TMSB15A: variants seen among roughly 807,000 people sequenced by gnomAD.
TMSB15A encodes thymosin beta 15A.
In TMSB15A, 1 loss-of-function variant was observed where a neutral mutation model predicts 3.2. The observed-to-expected ratio is 0.32, with a 90% CI of 0.11 to 1.50. The LOEUF is 1.50. Ranked by LOEUF, TMSB15A falls within the 40% of genes most tolerant of loss-of-function variation. The pLI is 0.39. For missense variants in TMSB15A, 22 were observed against 27.8 expected (o/e 0.79, Z 0.47); for synonymous variants, 10 against 11.2 (o/e 0.90, Z 0.21).
intron 2 of TMSB15A, 77 bp from the exon 3 acceptor site, chrX:102,514,201 C>A (rs782790611): frequency 6.2e-6 from 7 of 1,125,099 alleles, no homozygotes; most frequent in East Asian, 3.0e-5. Flanking sequence ...GAGCTCCTTG[C>A]TAAGTCATCG....
chrX:102,516,449 G>A (rs1010379415), intron 1 of TMSB15A, among the ~76,000 whole-genome samples: 2 of 112,257 alleles, frequency 1.8e-5, no homozygotes, highest in Admixed American at 1.9e-4. Flanking sequence ...TTGTTTCCAG[G>A]GACCGGCCCC....
At chrX:102,516,026 C>T (rs1185893960) in intron 1 of TMSB15A, among the ~76,000 whole-genome samples, 1 of 110,080 alleles carries the variant, frequency 9.1e-6, no homozygotes. Flanking sequence ...CCCAGCCCCA[C>T]CCTCGTGCAG....
chrX:102,515,238 G>T (rs1326832722), intron 1 of TMSB15A, 58 bp from the exon 2 acceptor site: 2 of 1,053,455 alleles, frequency 1.9e-6, no homozygotes, highest in African/African-American at 3.7e-5. Context: ...TTCGGACTAA[G>T]GGGTCACAAG....
In TMSB15A at chrX:102,514,221, T is replaced by C. The variant is rs782492942; in HGVS notation, c.101-97A>G. On this transcript the variant is annotated intron_variant, in intron 2 of 2. Coordinates refer to ENST00000289373, the MANE Select transcript of TMSB15A (RefSeq NM_021992.3). ...CCTTGCTAAGTCATCGAAGTCTGCA[T>C]ACATGCCTTAAATTTAGAATGCCAA... 2.1e-5 allele frequency: 21 copies of C among 988,003 alleles called. No individual in the cohort carries two copies. The African/African-American group carries it at 2.6e-4, about 12-fold the overall frequency. The allele number at this position is 988,003 out of a possible 1,213,427, so 81.4% of individuals were successfully genotyped here.
In TMSB15A at chrX:102,514,091, G is replaced by A; in HGVS notation, c.134C>T (p.Ser45Leu). The A allele has an allele frequency of 8.3e-7, 1 of 1,211,095 alleles. No individual in the cohort carries two copies. The highest frequency in any genetic ancestry group is 1.7e-5 in the African/African-American group (1 of 57,669). ...TGTTGGGAGGCGATCCCCATTTTAT[G>A]ATGTTTGAACACACTCTTTCTCTTG... ...IQQEKECVQT[S>L] The change falls in exon 3 of 3, where the codon TCA (serine) becomes TTA (leucine). Residue 45 changes from serine (S) to leucine (L), a missense_variant. Coordinates refer to ENST00000289373, the MANE Select transcript of TMSB15A (RefSeq NM_021992.3).
chrX:102,515,531 C>T (rs1934885947), intron 1 of TMSB15A, among the ~76,000 whole-genome samples: 1 of 111,237 alleles, frequency 9.0e-6, no homozygotes, highest in Admixed American at 9.5e-5. Context: ...AAAATAAAGA[C>T]TGGCTTTAAC....
intron 1 of TMSB15A, among the ~76,000 whole-genome samples, 192 bp downstream of exon 1, chrX:102,516,474 A>T (rs964758443): frequency 2.7e-5 from 3 of 112,389 alleles, no homozygotes; most frequent in South Asian, 3.7e-4. Flanking sequence ...AGGGCTCGGC[A>T]TCGAGCGCAG....
intron 1 of TMSB15A, 75 bp from the exon 2 acceptor site, chrX:102,515,255 T>C: frequency 1.1e-6 from 1 of 925,356 alleles, no homozygotes; most frequent in Non-Finnish European, 1.5e-6. Flanking sequence ...CAAGCAAAAA[T>C]TTTCATATTT....
intron 1 of TMSB15A, among the ~76,000 whole-genome samples, chrX:102,516,032 T>G (rs1934892098): frequency 9.1e-6 from 1 of 109,939 alleles, no homozygotes; most frequent in South Asian, 4.0e-4. Flanking sequence ...CCCACCCTCG[T>G]GCAGTAAGAT....
chrX:102,514,929 A>T, intron 2 of TMSB15A, 135 bp downstream of exon 2: 1 of 615,799 alleles, frequency 1.6e-6, no homozygotes, highest in Non-Finnish European at 2.5e-6. Context: ...TGATGTTTTT[A>T]ACTGTTACAT....
At chrX:102,514,684 T>C (rs1008049772) in intron 2 of TMSB15A, among the ~76,000 whole-genome samples, 14 of 111,655 alleles carry the variant, frequency 1.3e-4, no homozygotes, top group Admixed American at 1.2e-3. Context: ...AACTGCAAAG[T>C]TTGCATGGAT....
intron 1 of TMSB15A, among the ~76,000 whole-genome samples, 167 bp downstream of exon 1, chrX:102,516,499 G>T: frequency 8.8e-6 from 1 of 113,005 alleles, no homozygotes; most frequent in South Asian, 3.6e-4. Flanking sequence ...CGGCCCCCTG[G>T]AAGACAAAGG....
intron 1 of TMSB15A, 48 bp from the exon 2 acceptor site, chrX:102,515,228 T>C: frequency 8.7e-7 from 1 of 1,144,697 alleles, no homozygotes; most frequent in East Asian, 3.0e-5. Flanking sequence ...CAGAACTGTC[T>C]TCGGACTAAG....
At chrX:102,514,377 AT>A (rs1274290200) in intron 2 of TMSB15A, among the ~76,000 whole-genome samples, 6 of 111,857 alleles carry the variant, frequency 5.4e-5, no homozygotes, top group Admixed American at 1.9e-4. Context: ...TGCTGTTGCC[AT>A]TTTTTCTTAG....
Position 102,513,965 on chromosome X carries a change from T to C in TMSB15A, c.*122A>G. 3 of 779,621 alleles carry C rather than the reference T, an allele frequency of 3.8e-6. No homozygotes were observed. Among genetic ancestry groups the C allele is most frequent in the Non-Finnish European group, 5.8e-6 (3 of 515,802 alleles). The allele number at this position is 779,621 out of a possible 1,213,427, so 64.2% of individuals were successfully genotyped here. On this transcript the variant is annotated 3_prime_UTR_variant, in exon 3 of 3. Coordinates refer to ENST00000289373, the MANE Select transcript of TMSB15A (RefSeq NM_021992.3). Reference sequence around the variant, plus strand: ...CCTCTGACTTCTTAGCCAGGGAACATAGGTGAGAAGATATCCGAAGACGCC... The same window carrying C: ...CCTCTGACTTCTTAGCCAGGGAACACAGGTGAGAAGATATCCGAAGACGCC...
At chrX:102,514,489 C>T (rs1556403300) in intron 2 of TMSB15A, among the ~76,000 whole-genome samples, 2 of 112,206 alleles carry the variant, frequency 1.8e-5, no homozygotes, top group East Asian at 5.6e-4. Context: ...AACTTTGGAA[C>T]TCTCAAAGCT....
Position 102,515,177 on chromosome X carries a change from T to C in TMSB15A, c.-14A>G, listed in dbSNP as rs376905020. The C allele has an allele frequency of 4.9e-5, 59 of 1,205,542 alleles. No individual in the cohort carries two copies. The African/African-American group carries it at 7.7e-4, about 16-fold the overall frequency. On this transcript the variant is annotated 5_prime_UTR_variant, in exon 2 of 3. Transcript: ENST00000289373. Reference sequence around the variant, plus strand: ...CTTATCACTCATCTTGACTAGAAGATAGCCTGAAAAGAATAAACATTTTTA... The same window carrying C: ...CTTATCACTCATCTTGACTAGAAGACAGCCTGAAAAGAATAAACATTTTTA...
intron 2 of TMSB15A, 53 bp from the exon 3 acceptor site, chrX:102,514,177 A>C (rs1934870175): frequency 8.4e-7 from 1 of 1,184,453 alleles, no homozygotes; most frequent in African/African-American, 1.7e-5. Context: ...GATTAAGTTC[A>C]GTTTCTTTCA....
At chrX:102,516,064 A>G (rs1234450718) in intron 1 of TMSB15A, among the ~76,000 whole-genome samples, 1 of 110,409 alleles carries the variant, frequency 9.1e-6, no homozygotes, top group Non-Finnish European at 1.9e-5. Context: ...TGCTTGGGGT[A>G]GAATGGAGAG....
Sources: gnomAD v4.1 joint callset for allele counts (sites outside exome capture counted in the v4.1 genomes callset) on GRCh38, gnomAD v4.1.1 for gene constraint, MANE v1.5 for transcripts, NCBI Gene and HGNC (gene_info 2026-07-23, HGNC 2026-07-21) for gene names.